Variants in LAMA2 observed in about 807,000 individuals in gnomAD.
LAMA2 encodes the protein laminin subunit alpha 2, also known as laminin subunit alpha-2.
Under a neutral mutation model 364.8 loss-of-function variants are expected in LAMA2, and 269 were observed. The observed-to-expected ratio is 0.74, with a 90% CI of 0.67 to 0.82. The LOEUF (loss-of-function observed/expected upper bound fraction) is 0.82. Ranked by LOEUF, LAMA2 falls within the 40% of genes least tolerant of loss-of-function variation. The pLI, the probability that LAMA2 is intolerant of heterozygous loss-of-function variation, is 0.00. For missense variants in LAMA2, 3,807 were observed against 3,873.2 expected, an observed-to-expected ratio of 0.98 and a Z score of 0.45; for synonymous variants, 1,379 against 1,370.6, an observed-to-expected ratio of 1.01 and a Z score of -0.14.
rs1298230158 is a variant in LAMA2, at chr6:128,989,063, A to G, written c.113-60855A>G. Among the ~76,000 whole-genome samples the G allele has an allele frequency of 3.3e-5, 5 of 152,206 alleles. No homozygotes were observed. In the East Asian group the frequency reaches 7.7e-4, roughly 23 times the overall value. ...AATGATTATCTAGAAGATGTTATAC[A>G]TGTTATAATTATCTTTAAGTCTGCC... On this transcript the variant is annotated intron_variant, in intron 1 of 64. Coordinates refer to ENST00000421865, the MANE Select transcript of LAMA2 (RefSeq NM_000426.4).
chr6:128,957,081 G>T (rs1582766145), intron 1 of LAMA2, among the ~76,000 whole-genome samples: 1 of 152,090 alleles, frequency 6.6e-6, no homozygotes, highest in East Asian at 1.9e-4. Context: ...ATTTGCCAGG[G>T]AAAGAAATGA....
rs886061058 is a variant in LAMA2, at chr6:129,516,412, A to ATAT, written c.*67_*69dup. The ATAT allele has an allele frequency of 2.0e-6, 3 of 1,466,088 alleles. No homozygotes were observed. Among genetic ancestry groups the ATAT allele is most frequent in the Admixed American group, 1.9e-5 (1 of 53,666 alleles). The allele number at this position is 1,466,088 out of a possible 1,614,324, so 90.8% of individuals were successfully genotyped here. ...AGTATATCAAGTAAAACAAACAAATATATTTTACCTATATATGTTAATTAA... is the reference window on the plus strand; with the variant it reads ...AGTATATCAAGTAAAACAAACAAATATATTATTTTACCTATATATGTTAATTAA... On this transcript the variant is annotated 3_prime_UTR_variant, in exon 65 of 65. Transcript: ENST00000421865.
intron 4 of LAMA2, among the ~76,000 whole-genome samples, chr6:129,125,654 C>T (rs1777069195): frequency 6.6e-6 from 1 of 152,018 alleles, no homozygotes; most frequent in Non-Finnish European, 1.5e-5. Flanking sequence ...TATTTGCTTC[C>T]TAAGAAAATG....
intron 1 of LAMA2, among the ~76,000 whole-genome samples, chr6:128,958,176 TAATCATTAC>T (rs1781270274): frequency 6.6e-6 from 1 of 152,146 alleles, no homozygotes. Flanking sequence ...TAGTGTTTCT[TAATCATTAC>T]AATTATTTAT....
At chr6:129,044,794 A>G (rs1313668848) in intron 1 of LAMA2, among the ~76,000 whole-genome samples, 3 of 152,112 alleles carry the variant, frequency 2.0e-5, no homozygotes, top group Admixed American at 6.5e-5. Flanking sequence ...ACATTACAGG[A>G]CCTTAAGTTG....
chr6:129,448,339 G>A (rs1287133067), intron 45 of LAMA2, among the ~76,000 whole-genome samples: 5 of 152,126 alleles, frequency 3.3e-5, no homozygotes, highest in Non-Finnish European at 5.9e-5. Flanking sequence ...TTAAGAAAAA[G>A]TAATCATTGT....
intron 1 of LAMA2, among the ~76,000 whole-genome samples, chr6:128,942,738 C>T (rs931495024): frequency 7.9e-5 from 12 of 152,110 alleles, no homozygotes; most frequent in Non-Finnish European, 1.3e-4. Flanking sequence ...AAATCACTTA[C>T]GTATTTAATC....
intron 12 of LAMA2, among the ~76,000 whole-genome samples, chr6:129,230,517 G>T (rs1011330485): frequency 1.3e-5 from 2 of 152,080 alleles, no homozygotes; most frequent in Admixed American, 6.6e-5. Context: ...TCTTCTATTG[G>T]TCTGTATATT....
chr6:128,929,023 A>G, intron 1 of LAMA2: 1 of 1,414,378 alleles, frequency 7.1e-7, no homozygotes, highest in Non-Finnish European at 1.0e-6. Context: ...CCATATATGC[A>G]TTCAAGAAGC....
chr6:129,257,807 C>T (rs1786808620), intron 14 of LAMA2, among the ~76,000 whole-genome samples: 1 of 152,058 alleles, frequency 6.6e-6, no homozygotes, highest in Non-Finnish European at 1.5e-5. Flanking sequence ...ATAACAGTTT[C>T]CATTTATCTT....
At chr6:129,110,740 C>T (rs1776112690) in intron 4 of LAMA2, among the ~76,000 whole-genome samples, 1 of 152,024 alleles carries the variant, frequency 6.6e-6, no homozygotes, top group Non-Finnish European at 1.5e-5. Flanking sequence ...CAGTCCAGAT[C>T]TTCTGATGGC....
At chr6:128,937,682 T>C (rs1562849851) in intron 1 of LAMA2, among the ~76,000 whole-genome samples, 1 of 152,016 alleles carries the variant, frequency 6.6e-6, no homozygotes, top group Non-Finnish European at 1.5e-5. Context: ...TCCTCATTCC[T>C]TTTTTCTTAG....
At chr6:128,917,983 G>A (rs1386639825) in intron 1 of LAMA2, among the ~76,000 whole-genome samples, 3 of 151,188 alleles carry the variant, frequency 2.0e-5, no homozygotes, top group Non-Finnish European at 4.4e-5. Context: ...TCCCCACCTC[G>A]GCCTCCCATA....
chr6:128,978,105 C>T (rs1187422497), intron 1 of LAMA2, among the ~76,000 whole-genome samples: 2 of 152,158 alleles, frequency 1.3e-5, no homozygotes, highest in African/African-American at 2.4e-5. Context: ...TGGATATCCA[C>T]CTTCACTGAT....
intron 4 of LAMA2, among the ~76,000 whole-genome samples, chr6:129,124,679 C>T (rs959770271): frequency 2.6e-5 from 4 of 152,134 alleles, no homozygotes; most frequent in Non-Finnish European, 4.4e-5. Context: ...GAATAAAATC[C>T]CAGACCCTTT....
intron 45 of LAMA2, among the ~76,000 whole-genome samples, chr6:129,446,149 AG>A (rs1562570996): frequency 6.6e-6 from 1 of 151,948 alleles, no homozygotes; most frequent in African/African-American, 2.4e-5. Flanking sequence ...CATGGATGAG[AG>A]TACCTTCCTC....
In LAMA2 at chr6:129,373,301, A is replaced by T. The variant is rs184364405; in HGVS notation, c.4959+3311A>T. On this transcript the variant is annotated intron_variant, in intron 34 of 64. Coordinates refer to ENST00000421865, the MANE Select transcript of LAMA2 (RefSeq NM_000426.4). The stretch of plus-strand genomic sequence containing the variant: ...TTAGGTCTATAATCCATTTTTAGTT[A>T]ATTCCAATACTATTTTAAAATAAAC... Among the ~76,000 whole-genome samples, 629 of 152,242 alleles carry T rather than the reference A, an allele frequency of 4.1e-3. 7 individuals are homozygous for T. The highest frequency in any genetic ancestry group is 4.5e-3 in the Non-Finnish European group (306 of 68,006).
At chr6:129,474,986 G>T (rs924897650) in intron 52 of LAMA2, among the ~76,000 whole-genome samples, 1 of 152,154 alleles carries the variant, frequency 6.6e-6, no homozygotes, top group African/African-American at 2.4e-5. Flanking sequence ...AAGTGCAAAA[G>T]ATGTGGTAAA....
chr6:128,965,694 A>G (rs1000293244), intron 1 of LAMA2, among the ~76,000 whole-genome samples: 1 of 152,016 alleles, frequency 6.6e-6, no homozygotes, highest in Non-Finnish European at 1.5e-5. Flanking sequence ...ATTATTACTT[A>G]TGTCACATAA....
Sources: gnomAD v4.1 joint callset for allele counts (sites outside exome capture counted in the v4.1 genomes callset) on GRCh38, gnomAD v4.1.1 for gene constraint, MANE v1.5 for transcripts, NCBI Gene and HGNC (gene_info 2026-07-23, HGNC 2026-07-21) for gene names.